GALNT5: variants seen among roughly 807,000 people sequenced by gnomAD.
GALNT5 encodes the protein UDP-GalNAc:polypeptide N-acetylgalactosaminyltransferase 5.
In GALNT5, 72 loss-of-function variants were observed where a neutral mutation model predicts 85.4. That is an observed-to-expected ratio of 0.84 (90% CI 0.70 to 1.03). The LOEUF (loss-of-function observed/expected upper bound fraction) is 1.03. GALNT5 is among the 50% of genes least tolerant of loss of function. GALNT5 has a pLI of 0.00. For missense variants in GALNT5, 1,137 were observed against 1,135.5 expected (o/e 1.00, Z -0.02); for synonymous variants, 404 against 397.0 (o/e 1.02, Z -0.21).
chr2:157,258,531 A>T lies in GALNT5; in HGVS notation c.449A>T (p.Lys150Ile). 1 of 1,612,724 alleles carries T rather than the reference A, an allele frequency of 6.2e-7. No homozygotes were observed. Among genetic ancestry groups the T allele is most frequent in the East Asian group, 2.2e-5 (1 of 44,734 alleles). Reference protein sequence around the residue: ...NKQKTDGRGTKPEASSHQGTP... With the variant: ...NKQKTDGRGTIPEASSHQGTP... Reference sequence around the variant, plus strand: ...CAGAAGACAGACGGGAGAGGCACCAAACCTGAAGCCTCCTCTCACCAGGGG... The same window carrying T: ...CAGAAGACAGACGGGAGAGGCACCATACCTGAAGCCTCCTCTCACCAGGGG... The change falls in exon 1 of 10, where the codon AAA (lysine) becomes ATA (isoleucine). Residue 150 changes from lysine (K) to isoleucine (I), a missense_variant. Coordinates refer to ENST00000259056, the MANE Select transcript of GALNT5 (RefSeq NM_014568.3).
chr2:157,286,124 G>C lies in GALNT5; in HGVS notation c.1731G>C (p.Gln577His). 1 of 1,613,226 alleles carries C rather than the reference G, an allele frequency of 6.2e-7. No homozygotes were observed. Among genetic ancestry groups the C allele is most frequent in the Admixed American group, 1.7e-5 (1 of 59,940 alleles). The change falls in exon 3 of 10, where the codon CAG becomes CAC. Residue 577 changes from glutamine (Q) to histidine (H), a missense_variant. Physicochemically the swap from Gln to His is conservative, Grantham distance 24. Coordinates refer to ENST00000259056, the MANE Select transcript of GALNT5 (RefSeq NM_014568.3). ...GLIRARLAGA[Q>H]NATGDVLTFL... Reference sequence around the variant, plus strand: ...TAAGGGCCAGGCTGGCAGGAGCACAGAATGCAACAGGTAAGAAGTTACTCA... The same window carrying C: ...TAAGGGCCAGGCTGGCAGGAGCACACAATGCAACAGGTAAGAAGTTACTCA...
At chr2:157,284,857 T>C (rs1283343692) in intron 2 of GALNT5, among the ~76,000 whole-genome samples, 2 of 152,238 alleles carry the variant, frequency 1.3e-5, no homozygotes, top group Non-Finnish European at 1.5e-5. Flanking sequence ...TAAGATCTTA[T>C]GGCTTCTTCC....
In GALNT5 at chr2:157,315,229, C is replaced by T. The variant is rs1683674247; in HGVS notation, c.*3881C>T. Among the ~76,000 whole-genome samples, 1 of 152,092 alleles carries T rather than the reference C, an allele frequency of 6.6e-6. No individual in the cohort carries two copies. Among genetic ancestry groups the T allele is most frequent in the South Asian group, 2.1e-4 (1 of 4,832 alleles). ...ATTTGTGTAGGTGCTATATGTGTCC[C>T]ATCTCACTGATGGGTACAACTCATC... On this transcript the variant is annotated 3_prime_UTR_variant, in exon 10 of 10. Transcript: ENST00000259056.
chr2:157,280,208 A>G (rs560555050), intron 1 of GALNT5, among the ~76,000 whole-genome samples: 1 of 152,350 alleles, frequency 6.6e-6, no homozygotes, highest in East Asian at 1.9e-4. Context: ...CTCACCTGGA[A>G]AAACAGTGAA....
chr2:157,267,857 T>C (rs950925965), intron 1 of GALNT5, among the ~76,000 whole-genome samples: 3 of 152,256 alleles, frequency 2.0e-5, no homozygotes, highest in Non-Finnish European at 4.4e-5. Context: ...ATGTCATGGA[T>C]AGTCTACCCT....
At chr2:157,285,950 A>G in intron 2 of GALNT5, 65 bp from the exon 3 acceptor site, 2 of 1,201,350 alleles carry the variant, frequency 1.7e-6, no homozygotes, top group Non-Finnish European at 2.4e-6. Context: ...TTTGGGGAGC[A>G]CTTCTGATAC....
intron 4 of GALNT5, 79 bp downstream of exon 4, chr2:157,295,877 AAT>A (rs1683204852): frequency 9.9e-7 from 1 of 1,010,058 alleles, no homozygotes; most frequent in Non-Finnish European, 1.5e-6. Flanking sequence ...GTATATGCCT[AAT>A]ATGTGTGTTT....
intron 1 of GALNT5, among the ~76,000 whole-genome samples, chr2:157,269,564 A>C (rs972177036): frequency 1.3e-5 from 2 of 152,182 alleles, no homozygotes; most frequent in Non-Finnish European, 2.9e-5. Flanking sequence ...ATCTAGTGGA[A>C]TCTCTCATGA....
At chr2:157,292,718 T>A (rs1317582857) in intron 3 of GALNT5, among the ~76,000 whole-genome samples, 1 of 152,114 alleles carries the variant, frequency 6.6e-6, no homozygotes, top group African/African-American at 2.4e-5. Flanking sequence ...TATTATTTTT[T>A]TTTTTTGAGA....
chr2:157,273,340 A>AT (rs1167747737), intron 1 of GALNT5, among the ~76,000 whole-genome samples: 1 of 152,014 alleles, frequency 6.6e-6, no homozygotes, highest in African/African-American at 2.4e-5. Flanking sequence ...AAATAGACCA[A>AT]TTTTTTAGTA....
rs144724726 is a variant in GALNT5, at chr2:157,258,136, C to T, written c.54C>T (p.Ile18=). Residue 18 remains isoleucine (I), a synonymous_variant, in exon 1 of 10, where the codon ATC becomes ATT. Transcript: ENST00000259056. ...FRGSGRVLAF[I]FVASVIWLLF... is the part of the protein sequence containing the mutation. ...GAAGTGGGCGAGTCTTGGCATTTATCTTTGTAGCTTCTGTCATCTGGCTCC... is the reference window on the plus strand; with the variant it reads ...GAAGTGGGCGAGTCTTGGCATTTATTTTTGTAGCTTCTGTCATCTGGCTCC... 18 of 1,613,954 alleles carry T rather than the reference C, an allele frequency of 1.1e-5. No homozygotes were observed. In the Middle Eastern group the frequency reaches 4.9e-4, roughly 44 times the overall value.
chr2:157,303,484 T>C (rs1044310759), intron 7 of GALNT5, among the ~76,000 whole-genome samples: 2 of 148,944 alleles, frequency 1.3e-5, no homozygotes, highest in African/African-American at 2.6e-5. Flanking sequence ...TAATTTAAAA[T>C]TCATACACTG....
rs540174461 is a variant in GALNT5 at position 157,258,409 on chromosome 2, G to A, written c.327G>A (p.Gln109=). 1 of 1,610,710 alleles carries A rather than the reference G, an allele frequency of 6.2e-7. No individual in the cohort carries two copies. ...LKVEVDLDQT[Q]RERKMQNALG... ...TTGAGGTGGACTTGGACCAAACCCA[G>A]AGGGAAAGAAAAATGCAGAATGCCC... Residue 109 remains glutamine, a synonymous_variant, in exon 1 of 10, where the codon CAG becomes CAA. Coordinates refer to ENST00000259056, the MANE Select transcript of GALNT5 (RefSeq NM_014568.3).
At chr2:157,283,173 T>C (rs945644375) in intron 1 of GALNT5, among the ~76,000 whole-genome samples, 4 of 152,200 alleles carry the variant, frequency 2.6e-5, no homozygotes, top group African/African-American at 9.6e-5. Flanking sequence ...GACTAGTCTT[T>C]CCATGATTTT....
At position 157,311,193 on chromosome 2, in the gene GALNT5, C is replaced by T; in HGVS notation, c.2683-15C>T. Reference sequence around the variant, plus strand: ...TTCAGCCTGTGGCTCATTCCCAGCTCTTCTTTCTCTCCAGGTGAATCACAT... The same window carrying T: ...TTCAGCCTGTGGCTCATTCCCAGCTTTTCTTTCTCTCCAGGTGAATCACAT... On this transcript the variant is annotated splice_polypyrimidine_tract_variant and intron_variant, in intron 9 of 9. Transcript: ENST00000259056. 4.4e-6 allele frequency: 7 copies of T among 1,601,416 alleles called. No homozygotes were observed. Among genetic ancestry groups the T allele is most frequent in the Non-Finnish European group, 5.1e-6 (6 of 1,172,538 alleles).
chr2:157,304,795 T>A (rs77751988), intron 7 of GALNT5, among the ~76,000 whole-genome samples: 1 of 152,198 alleles, frequency 6.6e-6, no homozygotes, highest in Non-Finnish European at 1.5e-5. Flanking sequence ...CATGTAAAAT[T>A]GAGGACCAAT....
chr2:157,268,510 ATCT>A (rs1682508513), intron 1 of GALNT5, among the ~76,000 whole-genome samples: 1 of 152,234 alleles, frequency 6.6e-6, no homozygotes, highest in Admixed American at 6.5e-5. Flanking sequence ...ATCTCATCAA[ATCT>A]TCACCACTGT....
intron 1 of GALNT5, among the ~76,000 whole-genome samples, chr2:157,276,150 C>T (rs1055530689): frequency 1.3e-5 from 2 of 152,166 alleles, no homozygotes; most frequent in African/African-American, 4.8e-5. Context: ...TTGAACTAGC[C>T]TTTCATCCCA....
chr2:157,258,863 C>A lies in GALNT5; in HGVS notation c.781C>A (p.Gln261Lys). 6.4e-7 allele frequency: 1 copy of A among 1,574,202 alleles called. No homozygotes were observed. The highest frequency in any genetic ancestry group is 1.2e-5 in the South Asian group (1 of 85,324). Residue 261 changes from glutamine (Q) to lysine (K), a missense_variant, in exon 1 of 10, where the codon CAG (glutamine) becomes AAG (lysine). Transcript: ENST00000259056. Reference sequence around the variant, plus strand: ...CATGGCCTTAAACAAAACTAAGACTCAGAGCAAAGAAGTCAATGCAAATAA... The same window carrying A: ...CATGGCCTTAAACAAAACTAAGACTAAGAGCAAAGAAGTCAATGCAAATAA... ...EAMALNKTKT[Q>K]SKEVNANKHK...
Sources: gnomAD v4.1 joint callset for allele counts (sites outside exome capture counted in the v4.1 genomes callset) on GRCh38, gnomAD v4.1.1 for gene constraint, MANE v1.5 for transcripts, NCBI Gene and HGNC (gene_info 2026-07-23, HGNC 2026-07-21) for gene names.